Variants in DGKI observed in about 807,000 individuals in gnomAD.
The protein encoded by DGKI is diacylglycerol kinase iota.
A neutral mutation model predicts 147.5 loss-of-function variants in DGKI; 55 were observed. The ratio of observed to expected loss-of-function variants is 0.37; its 90% CI spans 0.30 to 0.47. DGKI has a LOEUF of 0.47. DGKI is among the 20% of genes least tolerant of loss of function. DGKI has a pLI of 1.00. For missense variants in DGKI, 1,007 were observed against 1,323.8 expected, an observed-to-expected ratio of 0.76 and a Z score of 3.71; for synonymous variants, 469 against 477.1, an observed-to-expected ratio of 0.98 and a Z score of 0.22.
rs542408682 is a variant in DGKI at position 137,450,709 on chromosome 7, C to T, written c.2736-6607G>A. Among the ~76,000 whole-genome samples, 320 of 151,730 alleles carry T rather than the reference C, an allele frequency of 2.1e-3. 1 individual carries two copies. The highest frequency in any genetic ancestry group is 7.4e-3 in the African/African-American group (306 of 41,390). On this transcript the variant is annotated intron_variant, in intron 27 of 32. Transcript: ENST00000614521. The stretch of plus-strand genomic sequence containing the variant: ...TGCACTCCTGCCTGGACAACAAGAG[C>T]GAAACTCTGTCTCGAAAAAATAAAA...
intron 1 of DGKI, among the ~76,000 whole-genome samples, chr7:137,748,981 G>T (rs1354946923): frequency 6.6e-6 from 1 of 152,238 alleles, no homozygotes; most frequent in Admixed American, 6.5e-5. Context: ...GTGCCTTATA[G>T]ACAATAACAG....
chr7:137,545,983 G>A (rs1355899325), intron 20 of DGKI: 1 of 701,532 alleles, frequency 1.4e-6, no homozygotes, highest in Admixed American at 2.0e-5. Context: ...CAGGGAATGA[G>A]CAGCGAAGAC....
chr7:137,685,422 C>T (rs1391688805), intron 2 of DGKI, among the ~76,000 whole-genome samples: 1 of 152,140 alleles, frequency 6.6e-6, no homozygotes, highest in East Asian at 1.9e-4. Flanking sequence ...GACACACTTC[C>T]TGGGCTCTCT....
intron 20 of DGKI, among the ~76,000 whole-genome samples, chr7:137,531,994 A>C (rs1291499983): frequency 6.6e-6 from 1 of 151,576 alleles, no homozygotes; most frequent in East Asian, 2.0e-4. Flanking sequence ...GACTACACAT[A>C]ATCTTTAAAT....
chr7:137,414,158 A>T (rs1050255140), intron 28 of DGKI, among the ~76,000 whole-genome samples: 1 of 152,176 alleles, frequency 6.6e-6, no homozygotes, highest in African/African-American at 2.4e-5. Flanking sequence ...TATATTGAGT[A>T]TGTATGAGTC....
chr7:137,416,378 A>G (rs965367844), intron 28 of DGKI, among the ~76,000 whole-genome samples: 6 of 152,246 alleles, frequency 3.9e-5, no homozygotes, highest in African/African-American at 1.4e-4. Flanking sequence ...ATTAACAAAG[A>G]AGCTTTGAAA....
intron 27 of DGKI, among the ~76,000 whole-genome samples, chr7:137,445,624 T>C (rs1378424779): frequency 6.6e-6 from 1 of 152,228 alleles, no homozygotes; most frequent in Admixed American, 6.5e-5. Context: ...ATGTGTTGAA[T>C]TGAATTAATC....
At chr7:137,708,483 C>T (rs956410286) in intron 1 of DGKI, among the ~76,000 whole-genome samples, 2 of 152,160 alleles carry the variant, frequency 1.3e-5, no homozygotes, top group Non-Finnish European at 2.9e-5. Flanking sequence ...ATGTAGGATA[C>T]TTAGTTCAGC....
chr7:137,570,703 T>C (rs978535834), intron 19 of DGKI, among the ~76,000 whole-genome samples: 1 of 152,004 alleles, frequency 6.6e-6, no homozygotes, highest in Non-Finnish European at 1.5e-5. Context: ...GCAATTATCC[T>C]GCATCAGCCT....
Position 137,391,356 on chromosome 7 carries a change from A to G in DGKI, c.3058-20T>C, listed in dbSNP as rs759673421. The G allele has an allele frequency of 1.4e-6, 2 of 1,453,082 alleles. No individual in the cohort carries two copies. Among genetic ancestry groups the G allele is most frequent in the Non-Finnish European group, 1.9e-6 (2 of 1,077,686 alleles). The allele number at this position is 1,453,082 out of a possible 1,614,324, so 90.0% of individuals were successfully genotyped here. A position where few individuals can be genotyped will look rare whatever the true frequency, so the allele number is the denominator to read the frequency against. On this transcript the variant is annotated intron_variant, in intron 32 of 32. Coordinates refer to ENST00000614521, the MANE Select transcript of DGKI (RefSeq NM_001321708.2). ...CTTACCCTATACGAAAATAGTGAGAAAAAAAAAAAGAGAGAGAGAGATAGA... is the reference window on the plus strand; with the variant it reads ...CTTACCCTATACGAAAATAGTGAGAGAAAAAAAAAGAGAGAGAGAGATAGA...
chr7:137,770,769 G>A (rs975879680), intron 1 of DGKI, among the ~76,000 whole-genome samples: 2 of 49,914 alleles, frequency 4.0e-5, no homozygotes, highest in South Asian at 5.6e-4. Flanking sequence ...TCCTGACCTC[G>A]TGATCCGCCC....
At chr7:137,450,341 C>T (rs1813903701) in intron 27 of DGKI, among the ~76,000 whole-genome samples, 1 of 152,200 alleles carries the variant, frequency 6.6e-6, no homozygotes, top group South Asian at 2.1e-4. Flanking sequence ...TAATTAGCTA[C>T]ATAATTAATG....
intron 20 of DGKI, among the ~76,000 whole-genome samples, chr7:137,549,991 TAAAG>T (rs889028082): frequency 3.9e-5 from 6 of 152,200 alleles, no homozygotes; most frequent in African/African-American, 1.2e-4. Flanking sequence ...CAAGTACTAA[TAAAG>T]ATTTTTGTTA....
chr7:137,622,058 A>AC (rs377458311), intron 7 of DGKI, among the ~76,000 whole-genome samples: 3,154 of 152,322 alleles, frequency 0.021, 46 homozygotes, highest in Non-Finnish European at 0.03. Flanking sequence ...TGAAATGATT[A>AC]TTTGTGTAAC....
At chr7:137,656,581 A>C (rs764573068) in intron 3 of DGKI, 41 bp from the exon 4 acceptor site, 1 of 1,598,488 alleles carries the variant, frequency 6.3e-7, no homozygotes, top group Admixed American at 1.7e-5. Context: ...AAATGTTAAC[A>C]GTCTGTTCTG....
intron 21 of DGKI, among the ~76,000 whole-genome samples, chr7:137,507,837 A>C (rs1027383709): frequency 5.9e-5 from 9 of 152,144 alleles, no homozygotes; most frequent in African/African-American, 1.9e-4. Context: ...CCACGTGTTT[A>C]GAATCCAGAA....
chr7:137,728,834 T>C (rs1001153585), intron 1 of DGKI, among the ~76,000 whole-genome samples: 1 of 152,166 alleles, frequency 6.6e-6, no homozygotes, highest in East Asian at 1.9e-4. Flanking sequence ...GGAGCTATTC[T>C]ATATCTTCAA....
chr7:137,585,920 G>A (rs1028063482), intron 13 of DGKI, among the ~76,000 whole-genome samples: 1 of 152,090 alleles, frequency 6.6e-6, no homozygotes, highest in Admixed American at 6.6e-5. Flanking sequence ...GTCCTCAATA[G>A]GATATGCAAG....
chr7:137,560,434 CT>C (rs1017940378), intron 19 of DGKI, among the ~76,000 whole-genome samples: 36 of 152,056 alleles, frequency 2.4e-4, no homozygotes, highest in African/African-American at 7.5e-4. Context: ...AAAAATAAAC[CT>C]TTAGGTCCAA....
Sources: allele counts gnomAD v4.1 joint callset (sites outside exome capture counted in the v4.1 genomes callset), GRCh38; gene constraint gnomAD v4.1.1; transcripts MANE v1.5; gene names NCBI Gene and HGNC (gene_info 2026-07-23, HGNC 2026-07-21).